NCOA3: variants seen among roughly 807,000 people sequenced by gnomAD.
The protein encoded by NCOA3 is nuclear receptor coactivator 3, also known as CBP-interacting protein.
NCOA3 carries 51 observed loss-of-function variants against 158.8 expected under a neutral mutation model. The observed-to-expected ratio is 0.32, with a 90% CI of 0.26 to 0.41. NCOA3 has a LOEUF of 0.41. Among genes scored for constraint, NCOA3 ranks in the 10% least tolerant of loss-of-function variants. The pLI is 1.00. For synonymous variants in NCOA3, 537 were observed against 592.4 expected, an observed-to-expected ratio of 0.91 and a Z score of 1.36; for missense variants, 1,510 against 1,746.6, an observed-to-expected ratio of 0.86 and a Z score of 2.41.
chr20:47,612,742 TGTA>T (rs1420703901), intron 2 of NCOA3, among the ~76,000 whole-genome samples: 1 of 152,236 alleles, frequency 6.6e-6, no homozygotes, highest in Admixed American at 6.5e-5. Flanking sequence ...TAGAAGTCAA[TGTA>T]ACCTTTAAAA....
In NCOA3 at chr20:47,574,915, T is replaced by G. The variant is rs6018562; in HGVS notation, c.-98-8268T>G. Among the ~76,000 whole-genome samples, 1,075 of 152,348 alleles carry G rather than the reference T, an allele frequency of 7.1e-3. 18 individuals carry two copies. Among genetic ancestry groups the G allele is most frequent in the African/African-American group, 0.024 (1,018 of 41,578 alleles). On this transcript the variant is annotated intron_variant, in intron 1 of 22. Transcript: ENST00000371998. ...GCAGTGAGGATATCTGATATAATTT[T>G]GACATCAGCATTATATATGTAATTA...
In NCOA3 at chr20:47,611,200, C is replaced by A. The variant is rs186745082; in HGVS notation, c.-19-11029C>A. Among the ~76,000 whole-genome samples, 13 of 152,308 alleles carry A rather than the reference C, an allele frequency of 8.5e-5. No homozygotes were observed. The East Asian group carries it at 2.5e-3, about 29-fold the overall frequency. On this transcript the variant is annotated intron_variant, in intron 2 of 22. Coordinates refer to ENST00000371998, the MANE Select transcript of NCOA3 (RefSeq NM_181659.3). ...GGGGCATATGCTGTGATCATCTCTCCTTTACATCTTTATTGCTTATTAATT... is the reference window on the plus strand; with the variant it reads ...GGGGCATATGCTGTGATCATCTCTCATTTACATCTTTATTGCTTATTAATT...
intron 1 of NCOA3, among the ~76,000 whole-genome samples, chr20:47,535,675 T>C (rs2084621192): frequency 6.6e-6 from 1 of 151,932 alleles, no homozygotes; most frequent in Admixed American, 6.6e-5. Context: ...ATCTGGCTAA[T>C]TTTTGTATTT....
chr20:47,570,271 T>C (rs2085270560), intron 1 of NCOA3, among the ~76,000 whole-genome samples: 1 of 151,790 alleles, frequency 6.6e-6, no homozygotes, highest in African/African-American at 2.4e-5. Context: ...TGAAACCCCA[T>C]CTCTACAAAA....
At chr20:47,615,796 A>G (rs1485265762) in intron 2 of NCOA3, among the ~76,000 whole-genome samples, 1 of 152,208 alleles carries the variant, frequency 6.6e-6, no homozygotes, top group Non-Finnish European at 1.5e-5. Context: ...GGACTTTTCC[A>G]TATAATATAG....
chr20:47,562,922 T>A (rs1461375715), intron 1 of NCOA3, among the ~76,000 whole-genome samples: 1 of 152,240 alleles, frequency 6.6e-6, no homozygotes, highest in Non-Finnish European at 1.5e-5. Context: ...AGTAATTTTT[T>A]AAAAATAATG....
intron 1 of NCOA3, among the ~76,000 whole-genome samples, chr20:47,579,492 A>C (rs1476178256): frequency 6.6e-6 from 1 of 152,268 alleles, no homozygotes; most frequent in African/African-American, 2.4e-5. Flanking sequence ...TACTGTCCTA[A>C]GAAATCTGCT....
intron 1 of NCOA3, among the ~76,000 whole-genome samples, chr20:47,502,602 C>G (rs1001823010): frequency 6.6e-6 from 1 of 151,868 alleles, no homozygotes; most frequent in East Asian, 1.9e-4. Context: ...TCTTAGTTTT[C>G]TCGGTAAAAA....
At chr20:47,619,154 CCTTA>C (rs1476519332) in intron 2 of NCOA3, among the ~76,000 whole-genome samples, 2 of 152,040 alleles carry the variant, frequency 1.3e-5, no homozygotes, top group East Asian at 1.9e-4. Flanking sequence ...GCCCCTTACT[CCTTA>C]CTGAGTATTC....
At chr20:47,550,301 G>A (rs1029623750) in intron 1 of NCOA3, among the ~76,000 whole-genome samples, 1 of 151,702 alleles carries the variant, frequency 6.6e-6, no homozygotes, top group Non-Finnish European at 1.5e-5. Context: ...AAAATTAGTC[G>A]GGCATGGAGG....
chr20:47,605,641 A>G (rs2085935263), intron 2 of NCOA3, among the ~76,000 whole-genome samples: 1 of 151,524 alleles, frequency 6.6e-6, no homozygotes, highest in African/African-American at 2.4e-5. Context: ...GCATGATTTC[A>G]TTTCCTGACT....
intron 2 of NCOA3, among the ~76,000 whole-genome samples, chr20:47,604,117 C>T (rs2146264891): frequency 6.6e-6 from 1 of 152,224 alleles, no homozygotes; most frequent in African/African-American, 2.4e-5. Flanking sequence ...TTCTTAATTA[C>T]CTTGATTCTG....
At chr20:47,522,273 T>G (rs1240683290) in intron 1 of NCOA3, among the ~76,000 whole-genome samples, 2 of 151,876 alleles carry the variant, frequency 1.3e-5, no homozygotes, top group African/African-American at 4.8e-5. Context: ...CGGCTAATTT[T>G]TTGTATTTTT....
chr20:47,585,715 A>G (rs1217944938), intron 2 of NCOA3, among the ~76,000 whole-genome samples: 1 of 152,072 alleles, frequency 6.6e-6, no homozygotes, highest in Non-Finnish European at 1.5e-5. Context: ...CTTTTAGCCA[A>G]GCTTATGTTG....
intron 2 of NCOA3, among the ~76,000 whole-genome samples, chr20:47,599,127 G>A (rs969967565): frequency 6.6e-6 from 1 of 152,188 alleles, no homozygotes; most frequent in African/African-American, 2.4e-5. Flanking sequence ...GCACAATGAT[G>A]AAATGGAATG....
intron 16 of NCOA3, 127 bp from the exon 17 acceptor site, chr20:47,642,086 G>A (rs1294753185): frequency 1.4e-6 from 1 of 738,242 alleles, no homozygotes; most frequent in East Asian, 2.7e-5. Context: ...TTTACCACTT[G>A]GTTTATTATT....
At position 47,595,378 on chromosome 20, in the gene NCOA3, G is replaced by A. The variant is rs769827693; in HGVS notation, c.-20+12117G>A. 2.0e-5 allele frequency among the ~76,000 whole-genome samples: 3 copies of A among 152,220 alleles called. No homozygotes were observed. In the East Asian group the frequency reaches 5.8e-4, roughly 29 times the overall value. On this transcript the variant is annotated intron_variant, in intron 2 of 22. Transcript: ENST00000371998. ...CTACCAAAGTGTGCTGGGATTACAGGAGTGAGCCACCACGCCTGGCCTTAA... is the reference window on the plus strand; with the variant it reads ...CTACCAAAGTGTGCTGGGATTACAGAAGTGAGCCACCACGCCTGGCCTTAA...
At chr20:47,608,640 CAAAAAA>C (rs148545557) in intron 2 of NCOA3, among the ~76,000 whole-genome samples, 9 of 98,674 alleles carry the variant, frequency 9.1e-5, no homozygotes, top group African/African-American at 1.2e-4. Context: ...ACCCTGTCTC[CAAAAAA>C]AAAAAAAAAA....
At chr20:47,622,534 ATAT>A (rs72645240) in intron 3 of NCOA3, among the ~76,000 whole-genome samples, 1 of 152,302 alleles carries the variant, frequency 6.6e-6, no homozygotes, top group East Asian at 1.9e-4. Context: ...AGAAGGTAGA[ATAT>A]TAACAATTCG....
Sources: gnomAD v4.1 joint callset for allele counts (sites outside exome capture counted in the v4.1 genomes callset) on GRCh38, gnomAD v4.1.1 for gene constraint, MANE v1.5 for transcripts, NCBI Gene and HGNC (gene_info 2026-07-23, HGNC 2026-07-21) for gene names.